TBC1D9: variants seen among roughly 807,000 people sequenced by gnomAD.
TBC1D9 encodes the protein TBC1 domain family member 9, also known as TBC1 domain family member 9A.
A neutral mutation model predicts 132.0 loss-of-function variants in TBC1D9; 63 were observed. The ratio of observed to expected loss-of-function variants is 0.48; its 90% confidence interval spans 0.39 to 0.59. The LOEUF is 0.59. Ranked by LOEUF, TBC1D9 falls within the 20% of genes least tolerant of loss-of-function variation. The pLI is 0.00. For synonymous variants in TBC1D9, 610 were observed against 609.9 expected (o/e 1.00, Z 0.00); for missense variants, 1,261 against 1,592.7 (o/e 0.79, Z 3.54).
At chr4:140,752,003 T>G (rs890655504) in intron 1 of TBC1D9, among the ~76,000 whole-genome samples, 1 of 152,200 alleles carries the variant, frequency 6.6e-6, no homozygotes, top group Non-Finnish European at 1.5e-5. Flanking sequence ...ACAACTACTT[T>G]GGAAAACTGG....
chr4:140,676,073 T>C (rs923795272), intron 6 of TBC1D9, among the ~76,000 whole-genome samples: 1 of 152,208 alleles, frequency 6.6e-6, no homozygotes, highest in African/African-American at 2.4e-5. Context: ...TTTTAACCCA[T>C]GGACAACTAG....
At chr4:140,636,993 G>T (rs1411923527) in intron 15 of TBC1D9, among the ~76,000 whole-genome samples, 1 of 152,098 alleles carries the variant, frequency 6.6e-6, no homozygotes, top group Non-Finnish European at 1.5e-5. Flanking sequence ...ATATTCTCAG[G>T]GTTCAAATGA....
At chr4:140,643,165 C>A (rs1049862654) in intron 13 of TBC1D9, 8 of 1,440,810 alleles carry the variant, frequency 5.6e-6, no homozygotes, top group Non-Finnish European at 7.6e-6. Context: ...ATGTGGCTGC[C>A]GGCTGCCAGC....
intron 16 of TBC1D9, among the ~76,000 whole-genome samples, chr4:140,631,335 G>C (rs9993446): frequency 0.012 from 1,887 of 151,032 alleles, 36 homozygotes; most frequent in African/African-American, 0.039. Flanking sequence ...CGATTCTCCT[G>C]CCTCAGCCTC....
chr4:140,695,971 T>C (rs1410185074), intron 2 of TBC1D9, among the ~76,000 whole-genome samples: 1 of 152,246 alleles, frequency 6.6e-6, no homozygotes, highest in Non-Finnish European at 1.5e-5. Flanking sequence ...TAATGCTTAA[T>C]TGTAGGCTAG....
chr4:140,653,265 T>C (rs72718374), intron 13 of TBC1D9, among the ~76,000 whole-genome samples: 1 of 152,306 alleles, frequency 6.6e-6, no homozygotes. Context: ...AAGATGAATG[T>C]GCTTTCAGTA....
intron 6 of TBC1D9, among the ~76,000 whole-genome samples, chr4:140,671,368 T>A (rs769972349): frequency 3.3e-5 from 5 of 152,056 alleles, no homozygotes; most frequent in Admixed American, 2.0e-4. Flanking sequence ...AGCTCCAAGG[T>A]TGAGAAACCT....
At chr4:140,702,078 C>T (rs181576158) in intron 1 of TBC1D9, among the ~76,000 whole-genome samples, 1 of 152,322 alleles carries the variant, frequency 6.6e-6, no homozygotes, top group Non-Finnish European at 1.5e-5. Context: ...GGGATCTTCC[C>T]ATTTCCACAG....
chr4:140,644,195 C>T (rs1211477789), intron 13 of TBC1D9: 2 of 338,672 alleles, frequency 5.9e-6, no homozygotes, highest in Non-Finnish European at 1.1e-5. Flanking sequence ...ACCTGGGCGG[C>T]ATATCTGAGA....
intron 13 of TBC1D9, among the ~76,000 whole-genome samples, chr4:140,652,796 A>G (rs186765953): frequency 6.6e-6 from 1 of 152,322 alleles, no homozygotes; most frequent in East Asian, 1.9e-4. Context: ...TAAGCCAGAG[A>G]CACATTACTC....
At chr4:140,740,590 C>T (rs1738743832) in intron 1 of TBC1D9, among the ~76,000 whole-genome samples, 1 of 152,206 alleles carries the variant, frequency 6.6e-6, no homozygotes, top group Non-Finnish European at 1.5e-5. Flanking sequence ...GGAATGTAAC[C>T]ATTGCCTTAC....
At chr4:140,701,389 C>G (rs1738066621) in intron 2 of TBC1D9, 115 bp downstream of exon 2, 1 of 751,646 alleles carries the variant, frequency 1.3e-6, no homozygotes, top group South Asian at 1.7e-5. Flanking sequence ...CGGTTAATTA[C>G]CCTAAAATAC....
intron 15 of TBC1D9, among the ~76,000 whole-genome samples, chr4:140,637,027 C>T (rs1736891677): frequency 6.6e-6 from 1 of 152,162 alleles, no homozygotes; most frequent in African/African-American, 2.4e-5. Context: ...TGAAGGTACA[C>T]AGACCAGAGA....
At chr4:140,658,273 C>T (rs988846701) in intron 11 of TBC1D9, among the ~76,000 whole-genome samples, 4 of 152,134 alleles carry the variant, frequency 2.6e-5, no homozygotes, top group Non-Finnish European at 4.4e-5. Flanking sequence ...TAGAGCCTTA[C>T]TACACACCTA....
chr4:140,739,624 G>C (rs1010422264), intron 1 of TBC1D9, among the ~76,000 whole-genome samples: 17 of 152,276 alleles, frequency 1.1e-4, no homozygotes, highest in African/African-American at 4.1e-4. Flanking sequence ...TAGCTCTTCT[G>C]TCTATATATT....
intron 6 of TBC1D9, among the ~76,000 whole-genome samples, chr4:140,675,281 A>G (rs948965616): frequency 1.3e-5 from 2 of 152,144 alleles, no homozygotes; most frequent in Non-Finnish European, 2.9e-5. Context: ...AAACAAGAAA[A>G]TAAGAAGAAA....
intron 1 of TBC1D9, among the ~76,000 whole-genome samples, chr4:140,736,313 G>A (rs1738671911): frequency 1.3e-5 from 2 of 152,022 alleles, no homozygotes; most frequent in African/African-American, 4.8e-5. Context: ...GGCCAAGGTG[G>A]GTGGATCACT....
intron 9 of TBC1D9, among the ~76,000 whole-genome samples, chr4:140,666,878 C>T (rs928978663): frequency 6.6e-6 from 1 of 152,070 alleles, no homozygotes; most frequent in Non-Finnish European, 1.5e-5. Context: ...AAGTGGAGCC[C>T]CAAGACCCCT....
intron 13 of TBC1D9, among the ~76,000 whole-genome samples, chr4:140,655,977 G>C (rs1737260875): frequency 1.3e-5 from 2 of 152,134 alleles, no homozygotes; most frequent in South Asian, 4.2e-4. Context: ...GCTGCTACTA[G>C]ATCAGGCTTC....
Sources: gnomAD v4.1 joint callset for allele counts (sites outside exome capture counted in the v4.1 genomes callset) on GRCh38, gnomAD v4.1.1 for gene constraint, MANE v1.5 for transcripts, NCBI Gene and HGNC (gene_info 2026-07-23, HGNC 2026-07-21) for gene names.